The following FAM210A variants were observed in gnomAD, a reference collection of about 807,000 sequenced individuals.
FAM210A encodes family with sequence similarity 210 member A.
FAM210A carries 13 observed loss-of-function variants against 25.3 expected under a neutral mutation model. The observed-to-expected ratio is 0.51, with a 90% confidence interval of 0.33 to 0.82. The LOEUF is 0.82. Ranked by LOEUF, FAM210A falls within the 40% of genes least tolerant of loss-of-function variation. The pLI is 0.02. For missense variants in FAM210A, 319 were observed against 323.2 expected, an observed-to-expected ratio of 0.99 and a Z score of 0.10; for synonymous variants, 125 against 118.7, an observed-to-expected ratio of 1.05 and a Z score of -0.35.
rs1223329721 is a variant in FAM210A at position 13,703,803 on chromosome 18, G to C, written c.-28-21698C>G. Among the ~76,000 whole-genome samples the C allele has an allele frequency of 4.6e-5, 7 of 152,282 alleles. 2 individuals carry two copies. In the South Asian group the frequency reaches 1.5e-3, roughly 32 times the overall value. On this transcript the variant is annotated intron_variant, in intron 1 of 3. Coordinates refer to ENST00000651643, the MANE Select transcript of FAM210A (RefSeq NM_152352.4). Reference sequence around the variant, plus strand: ...AAAATAAAAACTGTAGTATCTTTTAGTTCACATAACTTTAGTGATCTTTGG... The same window carrying C: ...AAAATAAAAACTGTAGTATCTTTTACTTCACATAACTTTAGTGATCTTTGG...
chr18:13,699,559 G>A (rs537024431), intron 1 of FAM210A, among the ~76,000 whole-genome samples: 1,876 of 151,972 alleles, frequency 0.012, 43 homozygotes, highest in African/African-American at 0.04. Flanking sequence ...CTTTTCAGAG[G>A]ATCTAAGCCA....
At chr18:13,669,414 G>A (rs2043425580) in intron 3 of FAM210A, among the ~76,000 whole-genome samples, 1 of 152,114 alleles carries the variant, frequency 6.6e-6, no homozygotes, top group African/African-American at 2.4e-5. Flanking sequence ...ACTGATTCCG[G>A]TCACACTAGC....
At chr18:13,674,000 G>A (rs1476773566) in intron 2 of FAM210A, among the ~76,000 whole-genome samples, 28 of 107,704 alleles carry the variant, frequency 2.6e-4, no homozygotes, top group Middle Eastern at 6.7e-3. Flanking sequence ...CCTGAGCCCC[G>A]ACTTCATTTC....
intron 2 of FAM210A, among the ~76,000 whole-genome samples, chr18:13,673,989 T>C (rs2043468442): frequency 6.8e-6 from 1 of 147,092 alleles, no homozygotes; most frequent in African/African-American, 2.5e-5. Flanking sequence ...CTATTAACAT[T>C]CCTGAGCCCC....
chr18:13,680,964 A>G (rs754587949), intron 2 of FAM210A, among the ~76,000 whole-genome samples: 88 of 152,352 alleles, frequency 5.8e-4, no homozygotes, highest in Non-Finnish European at 2.2e-4. Flanking sequence ...ATTTCTGATC[A>G]GAACAAAAGA....
chr18:13,679,471 T>A (rs950726780), intron 2 of FAM210A, among the ~76,000 whole-genome samples: 1 of 152,228 alleles, frequency 6.6e-6, no homozygotes, highest in African/African-American at 2.4e-5. Context: ...TTGATTTTTT[T>A]AAGCATTACT....
chr18:13,717,467 AC>A (rs11290564), intron 1 of FAM210A, among the ~76,000 whole-genome samples: 69,492 of 151,710 alleles, frequency 0.46, 17,175 homozygotes, highest in East Asian at 0.86. Context: ...GAACTTCACC[AC>A]TGCACCGCTA....
intron 2 of FAM210A, among the ~76,000 whole-genome samples, chr18:13,673,199 C>A (rs1378631936): frequency 6.7e-6 from 1 of 150,112 alleles, no homozygotes; most frequent in Non-Finnish European, 1.5e-5. Context: ...TCCTGAGCCC[C>A]GACTTCTTTA....
At chr18:13,667,753 A>G (rs1422488772) in intron 3 of FAM210A, among the ~76,000 whole-genome samples, 1 of 148,006 alleles carries the variant, frequency 6.8e-6, no homozygotes, top group Non-Finnish European at 1.5e-5. Flanking sequence ...AGGTGTTGGC[A>G]GGTACAATGG....
At chr18:13,681,477 A>C in intron 2 of FAM210A, 128 bp downstream of exon 2, 1 of 775,570 alleles carries the variant, frequency 1.3e-6, no homozygotes, top group Non-Finnish European at 2.0e-6. Context: ...TAAAATGTGA[A>C]AAAACAGTTA....
At chr18:13,719,748 A>AT (rs1175471620) in intron 1 of FAM210A, among the ~76,000 whole-genome samples, 1 of 151,634 alleles carries the variant, frequency 6.6e-6, no homozygotes, top group Non-Finnish European at 1.5e-5. Flanking sequence ...AAATCACTCT[A>AT]TTTTTTCTGC....
In FAM210A at chr18:13,671,904, G is replaced by A. The variant is rs748380258; in HGVS notation, c.543C>T (p.Asn181=). ...CTGTGAGGGCATTTCCACTCTGGGAGTTTTTCAGGATGCTTACCACACTGT... is the reference window on the plus strand; with the variant it reads ...CTGTGAGGGCATTTCCACTCTGGGAATTTTTCAGGATGCTTACCACACTGT... ...LPDSVVSILK[N]SQSGNALTAY... Residue 181 remains asparagine, a synonymous_variant, in exon 3 of 4, where the codon AAC becomes AAT. Coordinates refer to ENST00000651643, the MANE Select transcript of FAM210A (RefSeq NM_152352.4). 1.2e-6 allele frequency: 2 copies of A among 1,612,194 alleles called. No individual in the cohort carries two copies. Among genetic ancestry groups the A allele is most frequent in the East Asian group, 2.2e-5 (1 of 44,790 alleles).
intron 2 of FAM210A, among the ~76,000 whole-genome samples, chr18:13,681,283 G>A (rs958779986): frequency 3.3e-5 from 5 of 152,138 alleles, no homozygotes; most frequent in African/African-American, 1.2e-4. Context: ...TAGCAACTGA[G>A]TTATTTTGGG....
intron 1 of FAM210A, among the ~76,000 whole-genome samples, chr18:13,684,580 G>C (rs1435459919): frequency 6.6e-6 from 1 of 152,092 alleles, no homozygotes; most frequent in African/African-American, 2.4e-5. Flanking sequence ...GAAAACTACA[G>C]AACAGAAAGG....
At chr18:13,704,228 T>C (rs1036530767) in intron 1 of FAM210A, among the ~76,000 whole-genome samples, 4 of 151,996 alleles carry the variant, frequency 2.6e-5, no homozygotes, top group Non-Finnish European at 4.4e-5. Flanking sequence ...GGCATGGGAG[T>C]GTAAGTTTTT....
intron 3 of FAM210A, among the ~76,000 whole-genome samples, chr18:13,667,393 C>G (rs1405738478): frequency 6.6e-6 from 1 of 152,160 alleles, no homozygotes; most frequent in East Asian, 1.9e-4. Context: ...TCAAAGAGAA[C>G]CATACAAGTA....
intron 1 of FAM210A, among the ~76,000 whole-genome samples, chr18:13,695,307 G>A (rs1257249056): frequency 2.0e-5 from 3 of 152,182 alleles, no homozygotes; most frequent in African/African-American, 7.2e-5. Context: ...ACAGTGTGGC[G>A]ATTCCTCAAG....
chr18:13,711,760 C>A (rs183313916), intron 1 of FAM210A, among the ~76,000 whole-genome samples: 7 of 152,210 alleles, frequency 4.6e-5, no homozygotes, highest in African/African-American at 1.7e-4. Context: ...TGTTTCCTGT[C>A]CAGATTTTTT....
chr18:13,678,695 T>A (rs1432893882), intron 2 of FAM210A, among the ~76,000 whole-genome samples: 1 of 152,232 alleles, frequency 6.6e-6, no homozygotes, highest in Non-Finnish European at 1.5e-5. Flanking sequence ...AACAGAAACA[T>A]CTACTGTTTG....
Sources: gnomAD v4.1 joint callset for allele counts (sites outside exome capture counted in the v4.1 genomes callset) on GRCh38, gnomAD v4.1.1 for gene constraint, MANE v1.5 for transcripts, NCBI Gene and HGNC (gene_info 2026-07-23, HGNC 2026-07-21) for gene names.